PUDP: variants seen among roughly 807,000 people sequenced by gnomAD.
PUDP encodes the protein pseudouridine-5'-phosphatase.
Under a neutral mutation model 9.4 loss-of-function variants are expected in PUDP, and 8 were observed. That is an observed-to-expected ratio of 0.85 (90% CI 0.50 to 1.53). PUDP has a LOEUF of 1.53. Ranked by LOEUF, PUDP falls within the 40% of genes most tolerant of loss-of-function variation. The pLI is 0.00. For synonymous variants in PUDP, 99 were observed against 80.7 expected, an observed-to-expected ratio of 1.23 and a Z score of -1.22; for missense variants, 188 against 189.7, an observed-to-expected ratio of 0.99 and a Z score of 0.05.
intron 3 of PUDP, among the ~76,000 whole-genome samples, chrX:7,055,158 T>C (rs1281548217): frequency 8.9e-6 from 1 of 111,736 alleles, no homozygotes; most frequent in Non-Finnish European, 1.9e-5. Flanking sequence ...GGTTTGGTTT[T>C]TTTCCCCTAG....
chrX:6,795,171 G>A (rs1925823726), intron 3 of PUDP, among the ~76,000 whole-genome samples: 1 of 111,043 alleles, frequency 9.0e-6, no homozygotes, highest in African/African-American at 3.3e-5. Flanking sequence ...AATCTTAGGG[G>A]ATCTGCATCG....
In PUDP at chrX:6,934,288, C is replaced by A. The variant is rs749206878; in HGVS notation, c.*247+42845G>T. The stretch of plus-strand genomic sequence containing the variant: ...ATCAGACTAACAGCGGATCTCTCAG[C>A]AGAAACCCTACAAGCCAGAAGAGAG... On this transcript the variant is annotated intron_variant and NMD_transcript_variant, in intron 3 of 3. Transcript: ENST00000655425. 1.6e-3 allele frequency among the ~76,000 whole-genome samples: 160 copies of A among 101,915 alleles called. 1 individual carries two copies. Among genetic ancestry groups the A allele is most frequent in the African/African-American group, 5.6e-3 (156 of 27,826 alleles). The allele number at this position is 101,915 out of a possible 115,157, so 88.5% of individuals were successfully genotyped here. A position where few individuals can be genotyped will look rare whatever the true frequency, so the allele number is the denominator to read the frequency against.
At chrX:6,933,007 C>T (rs1036779353) in intron 3 of PUDP, among the ~76,000 whole-genome samples, 11 of 110,534 alleles carry the variant, frequency 1.0e-4, no homozygotes, top group African/African-American at 3.6e-4. Context: ...TCAAGGAGGC[C>T]TGCCTGCCTC....
rs756678104 is a variant in PUDP at position 7,105,850 on chromosome X, A to C, written c.62-12T>G. 8 of 1,140,122 alleles carry C rather than the reference A, an allele frequency of 7.0e-6. No homozygotes were observed. The South Asian group carries it at 9.6e-5, about 14-fold the overall frequency. 94.0% of individuals were successfully genotyped at this position (1,140,122 alleles called of 1,213,427 possible). A position where few individuals can be genotyped will look rare whatever the true frequency, so the allele number is the denominator to read the frequency against. ...CAGCCGTTCAGTATCTGCAGGAAAA[A>C]AAAAAGAGATTTTTAGAGTGCATAC... is the stretch of plus-strand genomic sequence containing the variant. On this transcript the variant is annotated splice_polypyrimidine_tract_variant and intron_variant, in intron 1 of 3. Coordinates refer to ENST00000381077, the MANE Select transcript of PUDP (RefSeq NM_012080.5).
At chrX:6,728,529 A>C (rs1401822336) in intron 3 of PUDP, among the ~76,000 whole-genome samples, 1 of 111,915 alleles carries the variant, frequency 8.9e-6, no homozygotes, top group Non-Finnish European at 1.9e-5. Context: ...GCCCTTTATG[A>C]TGTTAATACT....
At chrX:6,801,501 A>G (rs752095450) in intron 3 of PUDP, among the ~76,000 whole-genome samples, 14 of 112,391 alleles carry the variant, frequency 1.2e-4, no homozygotes, top group Non-Finnish European at 2.6e-4. Flanking sequence ...CTGGCAGGGT[A>G]GAACGTGTCA....
chrX:7,135,123 TC>T (rs1285528385), intron 1 of PUDP, among the ~76,000 whole-genome samples: 13 of 111,397 alleles, frequency 1.2e-4, no homozygotes, highest in Non-Finnish European at 1.3e-4. Context: ...AGCTCCAACC[TC>T]CAGTTTCCTA....
At chrX:7,019,692 T>C (rs1929602848) in intron 1 of PUDP, among the ~76,000 whole-genome samples, 1 of 112,012 alleles carries the variant, frequency 8.9e-6, no homozygotes, top group Non-Finnish European at 1.9e-5. Context: ...GCCTCCATTC[T>C]TCAACCTCAA....
intron 3 of PUDP, among the ~76,000 whole-genome samples, chrX:6,752,648 G>A (rs1925114132): frequency 9.0e-6 from 1 of 111,598 alleles, no homozygotes; most frequent in South Asian, 3.8e-4. Context: ...GCAAAGTCAA[G>A]AAGCCCTCAA....
chrX:6,996,630 GTA>G (rs1276344512), intron 1 of PUDP, among the ~76,000 whole-genome samples: 4 of 104,394 alleles, frequency 3.8e-5, no homozygotes, highest in Non-Finnish European at 5.8e-5. Context: ...ATATGTGTGT[GTA>G]TATATATATG....
At chrX:6,960,208 T>G (rs1208674344) in intron 3 of PUDP, among the ~76,000 whole-genome samples, 5 of 112,417 alleles carry the variant, frequency 4.4e-5, no homozygotes, top group African/African-American at 1.6e-4. Context: ...CAGAATTCTG[T>G]GGTTTGAATG....
intron 1 of PUDP, among the ~76,000 whole-genome samples, chrX:7,026,493 T>C (rs1929711928): frequency 8.9e-6 from 1 of 112,120 alleles, no homozygotes; most frequent in Non-Finnish European, 1.9e-5. Context: ...GCATCACCTT[T>C]GCAGTTTGGG....
chrX:6,812,528 G>A (rs774877216), intron 3 of PUDP, among the ~76,000 whole-genome samples: 2 of 111,829 alleles, frequency 1.8e-5, no homozygotes, highest in Non-Finnish European at 3.8e-5. Flanking sequence ...TAAAAATGAT[G>A]TCTTCAATAA....
chrX:6,877,794 C>G (rs1315133312), intron 3 of PUDP, among the ~76,000 whole-genome samples: 1 of 111,582 alleles, frequency 9.0e-6, no homozygotes, highest in Non-Finnish European at 1.9e-5. Flanking sequence ...ATAAAGGTCT[C>G]AAGCCTCAAC....
chrX:6,906,138 G>A (rs780531673), intron 3 of PUDP, among the ~76,000 whole-genome samples: 2 of 112,117 alleles, frequency 1.8e-5, no homozygotes, highest in Admixed American at 1.9e-4. Flanking sequence ...GCTCTGGGGG[G>A]CAAGGTGTTG....
chrX:7,028,443 G>A (rs757687769), intron 1 of PUDP, among the ~76,000 whole-genome samples: 1 of 111,361 alleles, frequency 9.0e-6, no homozygotes, highest in Non-Finnish European at 1.9e-5. Flanking sequence ...ACTAAAGCTG[G>A]CATGAGAGGC....
At chrX:6,839,459 A>G (rs1275972137) in intron 3 of PUDP, among the ~76,000 whole-genome samples, 3 of 111,697 alleles carry the variant, frequency 2.7e-5, no homozygotes, top group Non-Finnish European at 3.8e-5. Flanking sequence ...TGTCCCAAAA[A>G]TGTCCCTGAG....
intron 3 of PUDP, among the ~76,000 whole-genome samples, chrX:6,968,937 T>G (rs923781822): frequency 8.9e-6 from 1 of 111,970 alleles, no homozygotes; most frequent in Non-Finnish European, 1.9e-5. Context: ...ATCTCTTATG[T>G]TTCCAAGGGC....
intron 3 of PUDP, among the ~76,000 whole-genome samples, chrX:6,780,534 G>A (rs916594446): frequency 9.0e-6 from 1 of 111,464 alleles, no homozygotes; most frequent in Non-Finnish European, 1.9e-5. Flanking sequence ...CAGGCTTCAT[G>A]GTTTGCATGG....
Sources: allele counts gnomAD v4.1 joint callset (sites outside exome capture counted in the v4.1 genomes callset), GRCh38; gene constraint gnomAD v4.1.1; transcripts MANE v1.5; gene names NCBI Gene and HGNC (gene_info 2026-07-23, HGNC 2026-07-21).